Variants in NCEH1 observed in about 807,000 individuals in gnomAD.
The protein encoded by NCEH1 is neutral cholesterol ester hydrolase 1, also known as 2-acetyl MAGE hydrolase.
NCEH1 carries 9 observed loss-of-function variants against 25.4 expected under a neutral mutation model. The ratio of observed to expected loss-of-function variants is 0.35; its 90% CI spans 0.21 to 0.62. The LOEUF (loss-of-function observed/expected upper bound fraction) is 0.62, where lower values mean the gene tolerates loss of function less well. Ranked by LOEUF, NCEH1 falls within the 20% of genes least tolerant of loss-of-function variation. NCEH1 has a pLI of 0.72. For synonymous variants in NCEH1, 200 were observed against 199.8 expected (o/e 1.00, Z -0.01); for missense variants, 412 against 501.1 (o/e 0.82, Z 1.70).
chr3:172,706,010 C>CAAAAAAAAAAAAAAAAAAAAA (rs35383888), intron 1 of NCEH1, among the ~76,000 whole-genome samples: 1 of 103,970 alleles, frequency 9.6e-6, no homozygotes, highest in Non-Finnish European at 1.8e-5. Flanking sequence ...CAACAACAAC[C>CAAAAAAAAAAAAAAAAAAAAA]AAAAAAAAAA....
intron 1 of NCEH1, among the ~76,000 whole-genome samples, chr3:172,709,433 C>A (rs1714181931): frequency 6.6e-6 from 1 of 152,144 alleles, no homozygotes; most frequent in Admixed American, 6.5e-5. Context: ...TGCAAGGCTT[C>A]CTACAACAAG....
intron 3 of NCEH1, 112 bp from the exon 4 acceptor site, chr3:172,636,199 C>A: frequency 1.3e-5 from 8 of 601,030 alleles, no homozygotes; most frequent in South Asian, 6.2e-5. Flanking sequence ...GAAATTAATT[C>A]AATGGAATTA....
intron 1 of NCEH1, among the ~76,000 whole-genome samples, chr3:172,675,989 T>C (rs13080424): frequency 0.17 from 25,327 of 152,060 alleles, 2,232 homozygotes; most frequent in East Asian, 0.29. Context: ...GAACCACACA[T>C]GGACACGCCA....
At chr3:172,664,482 G>A (rs370929532) in intron 1 of NCEH1, among the ~76,000 whole-genome samples, 10 of 152,238 alleles carry the variant, frequency 6.6e-5, no homozygotes, top group South Asian at 6.2e-4. Context: ...CATTCTCTGT[G>A]TTTCCTGAAT....
intron 1 of NCEH1, among the ~76,000 whole-genome samples, chr3:172,666,952 T>C (rs570489189): frequency 9.2e-5 from 14 of 152,252 alleles, no homozygotes; most frequent in Non-Finnish European, 1.5e-4. Context: ...CCTCCAACAG[T>C]GAGATTACCG....
intron 1 of NCEH1, among the ~76,000 whole-genome samples, chr3:172,685,706 G>C (rs564355764): frequency 6.6e-6 from 1 of 150,912 alleles, no homozygotes; most frequent in Non-Finnish European, 1.5e-5. Context: ...ATTTTGTTTT[G>C]ATTTTTCTCC....
chr3:172,710,354 C>A (rs931057309), intron 1 of NCEH1, among the ~76,000 whole-genome samples: 10 of 152,200 alleles, frequency 6.6e-5, no homozygotes, highest in African/African-American at 2.4e-4. Flanking sequence ...GGGAACGGAG[C>A]GCTCCACAGC....
intron 1 of NCEH1, among the ~76,000 whole-genome samples, chr3:172,653,817 C>CG (rs1279898620): frequency 2.1e-5 from 3 of 141,326 alleles, no homozygotes; most frequent in African/African-American, 8.1e-5. Flanking sequence ...AGTGCAATGG[C>CG]GCGATCTTGG....
Position 172,710,956 on chromosome 3 carries a change from G to T in NCEH1, c.29C>A (p.Ala10Asp), listed in dbSNP as rs781216479. The T allele has an allele frequency of 6.2e-7, 1 of 1,613,994 alleles. No homozygotes were observed. The highest frequency in any genetic ancestry group is 1.3e-5 in the African/African-American group (1 of 74,942). Reference sequence around the variant, plus strand: ...GTAATAGGCGGCCAGCGCCACCAGGGCGGTGAGCAGGACACAGGACGACCT... The same window carrying T: ...GTAATAGGCGGCCAGCGCCACCAGGTCGGTGAGCAGGACACAGGACGACCT... MRSSCVLLT[A>D]LVALAAYYVY... The change falls in exon 1 of 5, where the codon GCC (alanine) becomes GAC (aspartate). Residue 10 changes from alanine to aspartate, a missense_variant. Physicochemically the swap from Ala to Asp is moderately radical, Grantham distance 126. Coordinates refer to ENST00000475381, the MANE Select transcript of NCEH1 (RefSeq NM_020792.6).
At chr3:172,700,875 A>T (rs951195126) in intron 1 of NCEH1, among the ~76,000 whole-genome samples, 4 of 152,182 alleles carry the variant, frequency 2.6e-5, no homozygotes, top group Admixed American at 6.5e-5. Context: ...TTGAAAAAAA[A>T]ATGAAATGAG....
chr3:172,702,844 T>A (rs543349505), intron 1 of NCEH1, among the ~76,000 whole-genome samples: 1 of 151,616 alleles, frequency 6.6e-6, no homozygotes, highest in African/African-American at 2.4e-5. Context: ...AAGAAAAATA[T>A]AGCCAGGCAT....
At position 172,632,943 on chromosome 3, in the gene NCEH1, T is replaced by C. The variant is rs1423031711; in HGVS notation, c.*532A>G. On this transcript the variant is annotated 3_prime_UTR_variant, in exon 5 of 5. Transcript: ENST00000475381. ...GAAACTTGTTCTTTCCAGAAAACCT[T>C]TGCCAAAATTCCCATAGGAAACAAA... 6.5e-6 allele frequency: 1 copy of C among 152,750 alleles called. No individual in the cohort carries two copies. 9.5% of individuals were successfully genotyped at this position (152,750 alleles called of 1,614,324 possible).
chr3:172,692,936 A>G (rs911471464), intron 1 of NCEH1, among the ~76,000 whole-genome samples: 4 of 152,070 alleles, frequency 2.6e-5, no homozygotes, highest in African/African-American at 9.7e-5. Flanking sequence ...TGCTGTTTTC[A>G]CTTCCTGGAA....
chr3:172,691,618 C>A (rs1353757775), intron 1 of NCEH1, among the ~76,000 whole-genome samples: 1 of 152,300 alleles, frequency 6.6e-6, no homozygotes, highest in African/African-American at 2.4e-5. Flanking sequence ...TTAAACAAAT[C>A]CAGTGACAGG....
In NCEH1 at chr3:172,630,357, T is replaced by C. The variant is rs1716293557; in HGVS notation, c.*3118A>G. 6.6e-6 allele frequency: 1 copy of C among 152,232 alleles called. No homozygotes were observed. The highest frequency in any genetic ancestry group is 2.1e-4 in the South Asian group (1 of 4,836). 9.4% of individuals were successfully genotyped at this position (152,232 alleles called of 1,614,324 possible). A position where few individuals can be genotyped will look rare whatever the true frequency, so the allele number is the denominator to read the frequency against. ...AATTCAGCTCAAACTCTTGGCATTA[T>C]GATCATCCTTTTCCTAACATGTGTA... On this transcript the variant is annotated 3_prime_UTR_variant, in exon 5 of 5. Coordinates refer to ENST00000475381, the MANE Select transcript of NCEH1 (RefSeq NM_020792.6).
intron 1 of NCEH1, among the ~76,000 whole-genome samples, chr3:172,683,402 C>CAAAA (rs1165644401): frequency 1.9e-4 from 3 of 15,696 alleles, no homozygotes; most frequent in East Asian, 3.0e-3. Flanking sequence ...GACTCCGTCT[C>CAAAA]AAAAAAAAAA....
At chr3:172,682,417 C>T (rs143482798) in intron 1 of NCEH1, among the ~76,000 whole-genome samples, 10 of 152,250 alleles carry the variant, frequency 6.6e-5, no homozygotes, top group East Asian at 3.9e-4. Flanking sequence ...TTCCCTGTTA[C>T]GTATAAGTCC....
intron 1 of NCEH1, among the ~76,000 whole-genome samples, chr3:172,676,040 A>G (rs2108516442): frequency 6.6e-6 from 1 of 152,314 alleles, no homozygotes; most frequent in South Asian, 2.1e-4. Context: ...GAGAAGGCCC[A>G]ACTGCTGCTC....
At chr3:172,694,370 T>TTA (rs141179712) in intron 1 of NCEH1, among the ~76,000 whole-genome samples, 10 of 149,796 alleles carry the variant, frequency 6.7e-5, no homozygotes, top group East Asian at 3.9e-4. Context: ...GGGGAAAGAG[T>TTA]TATATATATG....
Sources: allele counts gnomAD v4.1 joint callset (sites outside exome capture counted in the v4.1 genomes callset), GRCh38; gene constraint gnomAD v4.1.1; transcripts MANE v1.5; gene names NCBI Gene and HGNC (gene_info 2026-07-23, HGNC 2026-07-21).